The following MMACHC variants were observed in gnomAD, a reference collection of about 807,000 sequenced individuals.
MMACHC encodes the protein cyanocobalamin reductase / alkylcobalamin dealkylase.
MMACHC carries 14 observed loss-of-function variants against 17.6 expected under a neutral mutation model. The ratio of observed to expected loss-of-function variants is 0.80; its 90% CI spans 0.53 to 1.25. MMACHC has a LOEUF of 1.25. Ranked by LOEUF, MMACHC falls within the 50% of genes most tolerant of loss-of-function variation. The pLI is 0.00. For missense variants in MMACHC, 392 were observed against 364.5 expected (o/e 1.08, Z -0.62); for synonymous variants, 151 against 142.1 (o/e 1.06, Z -0.45).
chr1:45,510,611 A>T lies in MMACHC; in HGVS notation c.*1396A>T, dbSNP rs1643723534. The T allele has an allele frequency of 6.6e-6, 1 of 152,232 alleles. No individual in the cohort carries two copies. The highest frequency in any genetic ancestry group is 1.5e-5 in the Non-Finnish European group (1 of 68,058). The allele number at this position is 152,232 out of a possible 1,614,324, so 9.4% of individuals were successfully genotyped here. ...AACTACGAAAGCCCTACCCAAGGCCACCAGCCTTGTCTTCCTCTTTCCTCT... is the reference window on the plus strand; with the variant it reads ...AACTACGAAAGCCCTACCCAAGGCCTCCAGCCTTGTCTTCCTCTTTCCTCT... On this transcript the variant is annotated 3_prime_UTR_variant, in exon 4 of 4. Transcript: ENST00000401061.
rs1172223026 is a variant in MMACHC, at chr1:45,512,581, T to C, written c.*3366T>C. On this transcript the variant is annotated 3_prime_UTR_variant, in exon 4 of 4. Coordinates refer to ENST00000401061, the MANE Select transcript of MMACHC (RefSeq NM_015506.3). The stretch of plus-strand genomic sequence containing the variant: ...TCATTGGCTCTTAAATGGTACCTAT[T>C]TAAGAGGCTGTACATGTTCCAGTGG... 6.6e-6 allele frequency: 1 copy of C among 151,850 alleles called. No individual in the cohort carries two copies. Among genetic ancestry groups the C allele is most frequent in the Non-Finnish European group, 1.5e-5 (1 of 67,996 alleles). The allele number at this position is 151,850 out of a possible 1,614,324, so 9.4% of individuals were successfully genotyped here. A position where few individuals can be genotyped will look rare whatever the true frequency, so the allele number is the denominator to read the frequency against.
At position 45,510,367 on chromosome 1, in the gene MMACHC, G is replaced by A. The variant is rs186123709; in HGVS notation, c.*1152G>A. On this transcript the variant is annotated 3_prime_UTR_variant, in exon 4 of 4. Transcript: ENST00000401061. ...GGAGAATAACTTTTCCCAGCTGACA[G>A]CCTCTCTGAGGACAATGACATATGA... 1.3e-5 allele frequency: 2 copies of A among 152,308 alleles called. No homozygotes were observed. The highest frequency in any genetic ancestry group is 4.8e-5 in the African/African-American group (2 of 41,554). 9.4% of individuals were successfully genotyped at this position (152,308 alleles called of 1,614,324 possible).
Position 45,511,445 on chromosome 1 carries a change from C to T in MMACHC, c.*2230C>T. 6.3e-7 allele frequency: 1 copy of T among 1,577,848 alleles called. No individual in the cohort carries two copies. The highest frequency in any genetic ancestry group is 8.7e-7 in the Non-Finnish European group (1 of 1,150,156). On this transcript the variant is annotated 3_prime_UTR_variant, in exon 4 of 4. Transcript: ENST00000401061. ...AGAGAAAGGCACCACTAATTAATAA[C>T]CTTCTCAATGGTATGCACCACCATT... is the stretch of plus-strand genomic sequence containing the variant.
chr1:45,504,351 G>A (rs973697537), intron 1 of MMACHC, among the ~76,000 whole-genome samples: 1 of 152,174 alleles, frequency 6.6e-6, no homozygotes, highest in African/African-American at 2.4e-5. Flanking sequence ...AGGAGGCAGA[G>A]GTTGCAGTGA....
rs764409631 is a variant in MMACHC, at chr1:45,508,818, A to G, written c.452A>G (p.His151Arg). Residue 151 changes from histidine (H) to arginine (R), a missense_variant, in exon 4 of 4, where the codon CAC becomes CGC. Coordinates refer to ENST00000401061, the MANE Select transcript of MMACHC (RefSeq NM_015506.3). ...CAGCGCATATCAGGTGTGTGCATAC[A>G]CCCCCGATTTGGGGGCTGGTTTGCC... ...GNQRISGVCI[H>R]PRFGGWFAIR... The G allele has an allele frequency of 1.2e-6, 2 of 1,613,506 alleles. No individual in the cohort carries two copies. Among genetic ancestry groups the G allele is most frequent in the South Asian group, 1.1e-5 (1 of 91,026 alleles).
intron 1 of MMACHC, among the ~76,000 whole-genome samples, chr1:45,502,213 C>G (rs1643557475): frequency 6.6e-6 from 1 of 152,158 alleles, no homozygotes; most frequent in African/African-American, 2.4e-5. Context: ...AGACAATTCT[C>G]AAATATACCC....
intron 2 of MMACHC, 67 bp from the exon 3 acceptor site, chr1:45,508,145 G>A: frequency 6.3e-7 from 1 of 1,580,610 alleles, no homozygotes; most frequent in Non-Finnish European, 8.7e-7. Context: ...ACAAACTAGG[G>A]CTCCCTCGGA....
chr1:45,505,118 T>TTA (rs763466772), intron 1 of MMACHC, among the ~76,000 whole-genome samples: 11 of 119,386 alleles, frequency 9.2e-5, no homozygotes, highest in East Asian at 2.7e-4. Context: ...TGTATACATT[T>TTA]AAAAAAAAAA....
chr1:45,503,364 G>C (rs12145526), intron 1 of MMACHC, among the ~76,000 whole-genome samples: 111,091 of 150,842 alleles, frequency 0.74, 41,327 homozygotes, highest in East Asian at 0.93. Context: ...CGCCATTGCA[G>C]TCTAGCCTGG....
intron 1 of MMACHC, among the ~76,000 whole-genome samples, chr1:45,506,184 G>A (rs1163654694): frequency 6.6e-6 from 1 of 152,188 alleles, no homozygotes; most frequent in Non-Finnish European, 1.5e-5. Flanking sequence ...GAGTTGGACT[G>A]TGGCATGAAC....
rs1187063613 is a variant in MMACHC, at chr1:45,512,099, G to A, written c.*2884G>A. 2 of 76,100 alleles carry A rather than the reference G, an allele frequency of 2.6e-5. No homozygotes were observed. The highest frequency in any genetic ancestry group is 8.4e-4 in the East Asian group (2 of 2,390). The allele number at this position is 76,100 out of a possible 1,614,324, so 4.7% of individuals were successfully genotyped here. ...TTTTTTTTTTTTTTTTTTTTTTTGA[G>A]ATGGAGTCTCCCTCTGTTGCCCAGG... On this transcript the variant is annotated 3_prime_UTR_variant, in exon 4 of 4. Transcript: ENST00000401061.
rs751375023 is a variant in MMACHC at position 45,509,719 on chromosome 1, T to C, written c.*504T>C. ...GAGCCACCGCACCCAGCCAAGACTC[T>C]ATCTGTTCCCATTTCTAAGCAGTTC... On this transcript the variant is annotated 3_prime_UTR_variant, in exon 4 of 4. Coordinates refer to ENST00000401061, the MANE Select transcript of MMACHC (RefSeq NM_015506.3). 3 of 157,162 alleles carry C rather than the reference T, an allele frequency of 1.9e-5. No homozygotes were observed. Among genetic ancestry groups the C allele is most frequent in the Non-Finnish European group, 2.8e-5 (2 of 71,942 alleles). The allele number at this position is 157,162 out of a possible 1,614,324, so 9.7% of individuals were successfully genotyped here.
Position 45,508,327 on chromosome 1 carries a change from A to G in MMACHC, c.392A>G (p.Gln131Arg). Residue 131 changes from glutamine (Q) to arginine (R), a missense_variant, in exon 3 of 4, where the codon CAA (glutamine) becomes CGA (arginine). Physicochemically the swap from Gln to Arg is conservative, Grantham distance 43. Coordinates refer to ENST00000401061, the MANE Select transcript of MMACHC (RefSeq NM_015506.3). ...GTAGCTGGGGCTGCTTACTACTACC[A>G]ACGACAAGATGTGGAGGCTGACCCA... Reference protein sequence around the residue: ...AHVAGAAYYYQRQDVEADPWG... With the variant: ...AHVAGAAYYYRRQDVEADPWG... The G allele has an allele frequency of 1.9e-6, 3 of 1,614,178 alleles. No homozygotes were observed. Among genetic ancestry groups the G allele is most frequent in the Non-Finnish European group, 2.5e-6 (3 of 1,180,016 alleles).
In MMACHC at chr1:45,509,845, G is replaced by A. The variant is rs1643705940; in HGVS notation, c.*630G>A. 1.3e-5 allele frequency: 2 copies of A among 151,902 alleles called. No homozygotes were observed. The highest frequency in any genetic ancestry group is 1.3e-4 in the Admixed American group (2 of 15,232). 9.4% of individuals were successfully genotyped at this position (151,902 alleles called of 1,614,324 possible). On this transcript the variant is annotated 3_prime_UTR_variant, in exon 4 of 4. Transcript: ENST00000401061. Reference sequence around the variant, plus strand: ...GCCTGTAATCCCAGCACTCTGGGAGGCCGAGGCAGGTGGATCATGAGGTCG... The same window carrying A: ...GCCTGTAATCCCAGCACTCTGGGAGACCGAGGCAGGTGGATCATGAGGTCG...
chr1:45,508,122 TCA>T (rs1643661513), intron 2 of MMACHC, 88 bp from the exon 3 acceptor site: 7 of 1,494,962 alleles, frequency 4.7e-6, no homozygotes, highest in South Asian at 2.3e-5. Context: ...AGGACCATGT[TCA>T]CACACACAAA....
chr1:45,507,075 A>C (rs1252288147), intron 1 of MMACHC, among the ~76,000 whole-genome samples: 1 of 152,136 alleles, frequency 6.6e-6, no homozygotes, highest in African/African-American at 2.4e-5. Context: ...CTGAGGCATG[A>C]GAATCACTTG....
In MMACHC at chr1:45,508,912, T is replaced by C. The variant is rs2149323890; in HGVS notation, c.546T>C (p.Cys182=). ...TGCCACCCAGAAAACCTCATGACTG[T>C]GTACCTACAAGAGCTGACCGTATCG... ...PDLPPRKPHD[C]VPTRADRIAL... The change falls in exon 4 of 4, where the codon TGT becomes TGC. Residue 182 remains cysteine (C), a synonymous_variant. Transcript: ENST00000401061. 6.2e-7 allele frequency: 1 copy of C among 1,614,198 alleles called. No homozygotes were observed. Among genetic ancestry groups the C allele is most frequent in the Non-Finnish European group, 8.5e-7 (1 of 1,180,018 alleles).
chr1:45,502,866 G>A lies in MMACHC; in HGVS notation c.81+2453G>A, dbSNP rs570962588. 1.5e-4 allele frequency among the ~76,000 whole-genome samples: 23 copies of A among 152,020 alleles called. No homozygotes were observed. In the East Asian group the frequency reaches 3.5e-3, roughly 23 times the overall value. Reference sequence around the variant, plus strand: ...ATTACAGGCATGTGCCAACATACCCGGCTAATTTTGTATTTTTTTTAGTAG... The same window carrying A: ...ATTACAGGCATGTGCCAACATACCCAGCTAATTTTGTATTTTTTTTAGTAG... On this transcript the variant is annotated intron_variant, in intron 1 of 3. Coordinates refer to ENST00000401061, the MANE Select transcript of MMACHC (RefSeq NM_015506.3).
Position 45,509,418 on chromosome 1 carries a change from T to TTTTTTG in MMACHC, c.*208_*209insGTTTTT. On this transcript the variant is annotated 3_prime_UTR_variant, in exon 4 of 4. Transcript: ENST00000401061. ...AATTCCCATCTGCCTTCAAATGAGT[T>TTTTTTG]TTTTTTTTTTTTTTAGACAGAGTCT... 2.0e-6 allele frequency: 1 copy of TTTTTTG among 497,176 alleles called. No individual in the cohort carries two copies. The highest frequency in any genetic ancestry group is 3.5e-6 in the Non-Finnish European group (1 of 285,042). The allele number at this position is 497,176 out of a possible 1,614,324, so 30.8% of individuals were successfully genotyped here.
Sources: allele counts gnomAD v4.1 joint callset (sites outside exome capture counted in the v4.1 genomes callset), GRCh38; gene constraint gnomAD v4.1.1; transcripts MANE v1.5; gene names NCBI Gene and HGNC (gene_info 2026-07-23, HGNC 2026-07-21).